Variants in SGCZ observed in about 807,000 individuals in gnomAD.
The protein encoded by SGCZ is sarcoglycan zeta, also known as zeta-sarcoglycan.
In SGCZ, 40 loss-of-function variants were observed where a neutral mutation model predicts 41.3. The observed-to-expected ratio is 0.97, with a 90% CI of 0.75 to 1.26. SGCZ has a LOEUF of 1.26. SGCZ is among the 50% of genes most tolerant of loss of function. The pLI is 0.00. For missense variants in SGCZ, 552 were observed against 369.8 expected (o/e 1.49, Z -4.04); for synonymous variants, 206 against 137.5 (o/e 1.50, Z -3.49).
At chr8:14,253,524 C>A (rs951655664) in intron 3 of SGCZ, among the ~76,000 whole-genome samples, 1 of 151,974 alleles carries the variant, frequency 6.6e-6, no homozygotes, top group East Asian at 1.9e-4. Context: ...TTTGACTTAA[C>A]AGAAAATCAC....
chr8:14,293,285 A>G (rs551935047), intron 3 of SGCZ, among the ~76,000 whole-genome samples: 1 of 152,218 alleles, frequency 6.6e-6, no homozygotes, highest in South Asian at 2.1e-4. Flanking sequence ...ACTTTTACTC[A>G]GACTCTGTCT....
chr8:14,107,004 C>A lies in SGCZ; in HGVS notation c.620+1159G>T, dbSNP rs564886860. On this transcript the variant is annotated intron_variant, in intron 6 of 7. Transcript: ENST00000382080. ...GGCCGAGGAGGGCGGATCAGAAGGT[C>A]AGGAGATAGAGACTATCCGGAGCAA... Among the ~76,000 whole-genome samples the A allele has an allele frequency of 1.4e-4, 21 of 152,186 alleles. No homozygotes were observed. In the South Asian group the frequency reaches 3.7e-3, roughly 27 times the overall value.
At chr8:14,346,206 T>A (rs916722458) in intron 2 of SGCZ, among the ~76,000 whole-genome samples, 11 of 151,896 alleles carry the variant, frequency 7.2e-5, no homozygotes, top group African/African-American at 2.7e-4. Flanking sequence ...GTGGAGTGAG[T>A]TGATATATGG....
chr8:14,257,289 C>T (rs561110146), intron 3 of SGCZ, among the ~76,000 whole-genome samples: 80 of 151,810 alleles, frequency 5.3e-4, no homozygotes, highest in Non-Finnish European at 8.5e-4. Context: ...CGTGATTGTG[C>T]CACTCACTCC....
At chr8:14,360,958 G>C (rs150067532) in intron 2 of SGCZ, among the ~76,000 whole-genome samples, 1 of 152,196 alleles carries the variant, frequency 6.6e-6, no homozygotes, top group African/African-American at 2.4e-5. Context: ...ATGTGACGTT[G>C]CCACTATATT....
At chr8:14,300,335 C>A (rs138454357) in intron 3 of SGCZ, among the ~76,000 whole-genome samples, 1 of 149,234 alleles carries the variant, frequency 6.7e-6, no homozygotes, top group East Asian at 2.0e-4. Flanking sequence ...GAGAGAGACA[C>A]GGAGGAAGAA....
chr8:14,769,957 C>G (rs900354767), intron 1 of SGCZ, among the ~76,000 whole-genome samples: 2 of 151,788 alleles, frequency 1.3e-5, no homozygotes, highest in African/African-American at 2.4e-5. Context: ...CCTCTATCAG[C>G]CAGTACAGTA....
chr8:14,430,407 AT>A (rs751680872), intron 2 of SGCZ, among the ~76,000 whole-genome samples: 11 of 152,158 alleles, frequency 7.2e-5, no homozygotes, highest in Non-Finnish European at 1.2e-4. Flanking sequence ...AAGTCAATAA[AT>A]GTAATACACC....
In SGCZ at chr8:14,203,054, TG is replaced by T. The variant is rs1805506412; in HGVS notation, c.424+34537del. On this transcript the variant is annotated intron_variant, in intron 4 of 7. Transcript: ENST00000382080. ...AGCTCTCTTTGGCTGCTGCCATCCA[TG>T]TAAGATGTGACTTGCTTCTCCTCGC... 2.6e-5 allele frequency among the ~76,000 whole-genome samples: 4 copies of T among 152,162 alleles called. No homozygotes were observed. In the South Asian group the frequency reaches 8.3e-4, roughly 31 times the overall value.
chr8:14,989,259 C>A (rs1801928063), intron 1 of SGCZ, among the ~76,000 whole-genome samples: 1 of 152,106 alleles, frequency 6.6e-6, no homozygotes, highest in African/African-American at 2.4e-5. Context: ...GAGAAAATTA[C>A]ATAGGAGGAT....
intron 2 of SGCZ, among the ~76,000 whole-genome samples, chr8:14,377,968 T>C (rs1186314640): frequency 6.7e-6 from 1 of 150,178 alleles, no homozygotes; most frequent in East Asian, 1.9e-4. Context: ...TTTGCTATTG[T>C]GAATAGTGCC....
intron 1 of SGCZ, among the ~76,000 whole-genome samples, chr8:14,909,951 A>C (rs1799234079): frequency 6.6e-6 from 1 of 151,928 alleles, no homozygotes; most frequent in Admixed American, 6.6e-5. Flanking sequence ...TAACCATTTA[A>C]CTCTATCATC....
chr8:14,146,890 A>AAAAAAAAAAAAAAAAAAAAATAATAAT (rs1182329393), intron 5 of SGCZ, among the ~76,000 whole-genome samples: 2 of 116,182 alleles, frequency 1.7e-5, no homozygotes, highest in Non-Finnish European at 3.6e-5. Context: ...AAAATAAAAA[A>AAAAAAAAAAAAAAAAAAAAATAATAAT]AATAATAATA....
Position 14,090,469 on chromosome 8 carries a change from T to C in SGCZ, c.913A>G (p.Ser305Gly). 5 of 1,612,850 alleles carry C rather than the reference T, an allele frequency of 3.1e-6. No individual in the cohort carries two copies. The highest frequency in any genetic ancestry group is 4.2e-6 in the Non-Finnish European group (5 of 1,179,260). Residue 305 changes from serine (S) to glycine (G), a missense_variant, in exon 8 of 8, where the codon AGT (serine) becomes GGT (glycine). Coordinates refer to ENST00000382080, the MANE Select transcript of SGCZ (RefSeq NM_139167.4). ...CAGCTCCACAGGCAGATGTTGCTAC[T>C]GGACTGACAAGTGGAACCTACTCCT... ...PAGVGSTCQSSSNICLWS is the reference protein window; with the variant it reads ...PAGVGSTCQSGSNICLWS
chr8:14,228,791 C>A (rs576085202), intron 4 of SGCZ, among the ~76,000 whole-genome samples: 1 of 152,142 alleles, frequency 6.6e-6, no homozygotes, highest in South Asian at 2.1e-4. Flanking sequence ...ACTAAAGTTA[C>A]TGTTACCAAA....
At chr8:14,561,199 A>G (rs927238097) in intron 1 of SGCZ, among the ~76,000 whole-genome samples, 1 of 152,170 alleles carries the variant, frequency 6.6e-6, no homozygotes, top group African/African-American at 2.4e-5. Context: ...TTTAGCTTTA[A>G]ATGTTTAATA....
chr8:14,293,375 G>T (rs1339728564), intron 3 of SGCZ, among the ~76,000 whole-genome samples: 1 of 151,944 alleles, frequency 6.6e-6, no homozygotes, highest in East Asian at 1.9e-4. Context: ...AGATATTTCA[G>T]TTTTCACAAA....
At chr8:14,674,235 G>A (rs1161579321) in intron 1 of SGCZ, among the ~76,000 whole-genome samples, 1 of 151,572 alleles carries the variant, frequency 6.6e-6, no homozygotes, top group Non-Finnish European at 1.5e-5. Flanking sequence ...AAATCATCCT[G>A]ATTTCGGTGT....
chr8:14,689,877 G>C (rs962184118), intron 1 of SGCZ, among the ~76,000 whole-genome samples: 3 of 152,178 alleles, frequency 2.0e-5, no homozygotes, highest in African/African-American at 7.2e-5. Flanking sequence ...GGAGAAAAAT[G>C]GGCGGAGACT....
Sources: gnomAD v4.1 joint callset for allele counts (sites outside exome capture counted in the v4.1 genomes callset) on GRCh38, gnomAD v4.1.1 for gene constraint, MANE v1.5 for transcripts, NCBI Gene and HGNC (gene_info 2026-07-23, HGNC 2026-07-21) for gene names.